The following ANO10 variants were observed in gnomAD, a reference collection of about 807,000 sequenced individuals.
ANO10 encodes the protein anoctamin-10.
In ANO10, 77 loss-of-function variants were observed where a neutral mutation model predicts 74.7. The observed-to-expected ratio is 1.03, with a 90% confidence interval of 0.86 to 1.25. ANO10 has a LOEUF of 1.25. Ranked by LOEUF, ANO10 falls within the 50% of genes most tolerant of loss-of-function variation. The probability of loss-of-function intolerance (pLI) is 0.00; values close to 1 mark genes in which losing one functional copy is unlikely to be tolerated. For synonymous variants in ANO10, 279 were observed against 284.9 expected, an observed-to-expected ratio of 0.98 and a Z score of 0.21; for missense variants, 721 against 778.1, an observed-to-expected ratio of 0.93 and a Z score of 0.87.
intron 11 of ANO10, among the ~76,000 whole-genome samples, chr3:43,545,403 T>C (rs572978040): frequency 3.1e-4 from 47 of 152,268 alleles, no homozygotes; most frequent in Admixed American, 5.2e-4. Flanking sequence ...AGACAGAGTC[T>C]CTCTCTGTCG....
chr3:43,663,999 A>G (rs2083957847), intron 1 of ANO10, among the ~76,000 whole-genome samples: 1 of 152,172 alleles, frequency 6.6e-6, no homozygotes. Context: ...TCAAGCTACC[A>G]CTGACTTTCT....
intron 1 of ANO10, among the ~76,000 whole-genome samples, chr3:43,668,826 G>C (rs1322603030): frequency 6.6e-6 from 1 of 151,792 alleles, no homozygotes; most frequent in African/African-American, 2.4e-5. Flanking sequence ...AGTATAGTTG[G>C]TACTGTTTTC....
intron 2 of ANO10, among the ~76,000 whole-genome samples, chr3:43,603,183 C>T (rs1242535986): frequency 8.5e-5 from 13 of 152,146 alleles, no homozygotes; most frequent in Admixed American, 8.5e-4. Flanking sequence ...TACAAACCCC[C>T]AAGTTCTCTG....
chr3:43,513,725 T>G (rs1459273258), intron 11 of ANO10, among the ~76,000 whole-genome samples: 2 of 152,176 alleles, frequency 1.3e-5, no homozygotes. Flanking sequence ...TTAGCCAGGA[T>G]GGTCTTGATC....
At chr3:43,674,695 G>A (rs1301339180) in intron 1 of ANO10, among the ~76,000 whole-genome samples, 2 of 152,152 alleles carry the variant, frequency 1.3e-5, no homozygotes, top group African/African-American at 4.8e-5. Context: ...GGAGAAAGAG[G>A]GACTGGGTAG....
intron 11 of ANO10, among the ~76,000 whole-genome samples, chr3:43,455,524 G>A (rs1017478016): frequency 2.0e-5 from 3 of 152,154 alleles, no homozygotes; most frequent in African/African-American, 7.2e-5. Flanking sequence ...GGAATGGGGG[G>A]AAATGACCTG....
chr3:43,383,838 TGAAGGCATTACCCCTGGAACAA>T (rs1324584396), intron 12 of ANO10, among the ~76,000 whole-genome samples: 1 of 152,166 alleles, frequency 6.6e-6, no homozygotes, highest in African/African-American at 2.4e-5. Context: ...AGGGAAAAGT[TGAAGGCATTACCCCTGGAACAA>T]GACAAGGATG....
At chr3:43,377,698 C>T (rs867622860) in intron 12 of ANO10, among the ~76,000 whole-genome samples, 3 of 152,126 alleles carry the variant, frequency 2.0e-5, no homozygotes, top group East Asian at 1.9e-4. Context: ...GAAGAGGAGG[C>T]GTGGCCAGGC....
chr3:43,588,061 G>A (rs2081557611), intron 4 of ANO10, among the ~76,000 whole-genome samples: 1 of 152,002 alleles, frequency 6.6e-6, no homozygotes, highest in African/African-American at 2.4e-5. Flanking sequence ...AGAACCAGAT[G>A]GTTTCATATA....
intron 12 of ANO10, among the ~76,000 whole-genome samples, chr3:43,392,993 A>T (rs147353842): frequency 1.8e-4 from 28 of 152,346 alleles, no homozygotes; most frequent in Non-Finnish European, 4.0e-4. Context: ...TTTAATTTGA[A>T]CTAATTTAAA....
intron 12 of ANO10, among the ~76,000 whole-genome samples, chr3:43,369,277 C>T (rs773655232): frequency 5.3e-5 from 8 of 152,250 alleles, no homozygotes; most frequent in African/African-American, 1.9e-4. Flanking sequence ...GGGTTCCTCC[C>T]ACCTGCAGTG....
At chr3:43,600,198 A>G (rs1483749241) in intron 3 of ANO10, among the ~76,000 whole-genome samples, 186 bp downstream of exon 3, 6 of 152,032 alleles carry the variant, frequency 3.9e-5, no homozygotes, top group African/African-American at 1.5e-4. Context: ...CTTATGGTCT[A>G]TGGCTGCTTT....
intron 11 of ANO10, among the ~76,000 whole-genome samples, chr3:43,537,611 CCACACACACACACA>C (rs3223349): frequency 5.6e-4 from 78 of 140,058 alleles, no homozygotes; most frequent in Admixed American, 1.4e-3. Flanking sequence ...ACTTTATAAA[CCACACACACACACA>C]CACACACACA....
chr3:43,505,124 T>C (rs1326949909), intron 11 of ANO10, among the ~76,000 whole-genome samples: 1 of 152,218 alleles, frequency 6.6e-6, no homozygotes, highest in African/African-American at 2.4e-5. Flanking sequence ...GCTTCTGGTA[T>C]AGTATGAGAT....
chr3:43,469,886 T>A (rs901296417), intron 11 of ANO10, among the ~76,000 whole-genome samples: 1 of 152,220 alleles, frequency 6.6e-6, no homozygotes, highest in Non-Finnish European at 1.5e-5. Context: ...AGGAATTTGA[T>A]CATCTGCTTT....
chr3:43,626,344 G>GAGTAC (rs1173121354), upstream of ANO10, among the ~76,000 whole-genome samples: 2 of 150,178 alleles, frequency 1.3e-5, no homozygotes, highest in Non-Finnish European at 3.0e-5. Context: ...GCCCAGGCTG[G>GAGTAC]AGTACAGTGG....
intron 11 of ANO10, among the ~76,000 whole-genome samples, chr3:43,441,110 A>G (rs2093152266): frequency 6.6e-6 from 1 of 152,032 alleles, no homozygotes; most frequent in Non-Finnish European, 1.5e-5. Context: ...ATCTCAAGTC[A>G]ATAACTTGAC....
chr3:43,584,858 G>A (rs894533217), intron 4 of ANO10, among the ~76,000 whole-genome samples: 16 of 152,232 alleles, frequency 1.1e-4, no homozygotes, highest in Non-Finnish European at 2.2e-4. Flanking sequence ...GTAAGATCTG[G>A]GGAGTGTTTC....
At chr3:43,480,979 A>ATAATTGTATAATAATACAATATAC (rs2076247801) in intron 11 of ANO10, among the ~76,000 whole-genome samples, 2 of 150,326 alleles carry the variant, frequency 1.3e-5, no homozygotes, top group Non-Finnish European at 3.0e-5. Flanking sequence ...TTATTGTATA[A>ATAATTGTATAATAATACAATATAC]TAATTGTATA....
Sources: gnomAD v4.1 joint callset for allele counts (sites outside exome capture counted in the v4.1 genomes callset) on GRCh38, gnomAD v4.1.1 for gene constraint, MANE v1.5 for transcripts, NCBI Gene and HGNC (gene_info 2026-07-23, HGNC 2026-07-21) for gene names.